DNAH11: variants seen among roughly 807,000 people sequenced by gnomAD.
The protein encoded by DNAH11 is axonemal beta dynein heavy chain 11.
In DNAH11, 442 loss-of-function variants were observed where a neutral mutation model predicts 526.0. The ratio of observed to expected loss-of-function variants is 0.84; its 90% CI spans 0.78 to 0.91. The LOEUF (loss-of-function observed/expected upper bound fraction) is 0.91, where lower values mean the gene tolerates loss of function less well. Ranked by LOEUF, DNAH11 falls within the 40% of genes least tolerant of loss-of-function variation. DNAH11 has a pLI of 0.00. For missense variants in DNAH11, 6,989 were observed against 5,448.7 expected (o/e 1.28, Z -8.90); for synonymous variants, 2,461 against 1,935.9 (o/e 1.27, Z -7.12).
chr7:21,882,699 AG>A (rs1159314348), intron 75 of DNAH11, among the ~76,000 whole-genome samples: 1 of 152,124 alleles, frequency 6.6e-6, no homozygotes, highest in African/African-American at 2.4e-5. Flanking sequence ...TAGGAGACTG[AG>A]GTGAGAGGAT....
chr7:21,737,853 G>A (rs187368853), intron 46 of DNAH11, among the ~76,000 whole-genome samples: 3 of 152,196 alleles, frequency 2.0e-5, no homozygotes, highest in Non-Finnish European at 2.9e-5. Flanking sequence ...TTGGCTGAAC[G>A]TTGGATGGTA....
chr7:21,729,326 T>G (rs1000199272), intron 45 of DNAH11, among the ~76,000 whole-genome samples: 1 of 152,230 alleles, frequency 6.6e-6, no homozygotes, highest in African/African-American at 2.4e-5. Flanking sequence ...TGGCTTCTTC[T>G]GAAATAGCTG....
intron 2 of DNAH11, among the ~76,000 whole-genome samples, chr7:21,547,674 T>C (rs1381153052): frequency 4.6e-5 from 7 of 152,228 alleles, no homozygotes; most frequent in Non-Finnish European, 1.0e-4. Flanking sequence ...TCCTTTATCA[T>C]GACTTTCTAC....
intron 62 of DNAH11, among the ~76,000 whole-genome samples, chr7:21,804,164 A>G (rs986472323): frequency 3.3e-5 from 5 of 152,058 alleles, no homozygotes; most frequent in Admixed American, 3.3e-4. Flanking sequence ...GCTGGAGTGC[A>G]GTGGCACCAT....
At position 21,711,721 on chromosome 7, in the gene DNAH11, C is replaced by T; in HGVS notation, c.6844C>T (p.Leu2282Phe). 1.9e-6 allele frequency: 3 copies of T among 1,613,556 alleles called. No homozygotes were observed. Among genetic ancestry groups the T allele is most frequent in the South Asian group, 1.1e-5 (1 of 91,050 alleles). Residue 2282 changes from leucine (L) to phenylalanine (F), a missense_variant, in exon 42 of 82, where the codon CTC becomes TTC. By Grantham distance (22) the Leu-to-Phe change is conservative. Transcript: ENST00000409508. ...GTGCTGCTCACTCCAGGTGCTGACC[C>T]TCGCCAGCAATGAGCGCATTGCACT... Reference protein sequence around the residue: ...TVMDDNKVLTLASNERIALTP... With the variant: ...TVMDDNKVLTFASNERIALTP...
chr7:21,574,064 G>A (rs1189266797), intron 8 of DNAH11, among the ~76,000 whole-genome samples: 1 of 152,120 alleles, frequency 6.6e-6, no homozygotes, highest in East Asian at 1.9e-4. Context: ...ATGGTTTTGG[G>A]TTTCTCAATT....
At chr7:21,811,387 C>T (rs781695414) in intron 63 of DNAH11, among the ~76,000 whole-genome samples, 2 of 151,064 alleles carry the variant, frequency 1.3e-5, no homozygotes, top group African/African-American at 4.9e-5. Flanking sequence ...ACCCAGGAGG[C>T]GGAAGTTGCA....
In DNAH11 at chr7:21,600,095, A is replaced by G. The variant is rs1408582883; in HGVS notation, c.2976A>G (p.Thr992=). The G allele has an allele frequency of 1.3e-6, 2 of 1,543,000 alleles. No homozygotes were observed. The highest frequency in any genetic ancestry group is 2.8e-5 in the African/African-American group (2 of 72,326). ...RMSAQMNRIA[T]HLEIKNYQND... ...CTGCCCAGATGAACCGAATAGCAAC[A>G]CACCTGGAAATTAAAAATTATCAGG... The change falls in exon 15 of 82, where the codon ACA becomes ACG. Residue 992 remains threonine (T), a synonymous_variant. Coordinates refer to ENST00000409508, the MANE Select transcript of DNAH11 (RefSeq NM_001277115.2).
chr7:21,765,459 C>T lies in DNAH11; in HGVS notation c.8972C>T (p.Thr2991Met), dbSNP rs375595192. The stretch of plus-strand genomic sequence containing the variant: ...TTGTGTTTCTCTCCAGTTGGTCGCA[C>T]GCTGAGAGTTAGAGCTCGGAAGTTC... ...IILCFSPVGR[T>M]LRVRARKFPA... The change falls in exon 55 of 82, where the codon ACG becomes ATG. Residue 2991 changes from threonine to methionine, a missense_variant. Physicochemically the swap from Thr to Met is moderately conservative, Grantham distance 81. Coordinates refer to ENST00000409508, the MANE Select transcript of DNAH11 (RefSeq NM_001277115.2). 101 of 1,613,818 alleles carry T rather than the reference C, an allele frequency of 6.3e-5. 1 individual carries two copies. In the Middle Eastern group the frequency reaches 6.6e-4, roughly 11 times the overall value.
Position 21,603,497 on chromosome 7 carries a change from G to A in DNAH11, c.3648+1879G>A, listed in dbSNP as rs186438104. 5.0e-3 allele frequency among the ~76,000 whole-genome samples: 757 copies of A among 152,210 alleles called. 3 individuals carry two copies. Among genetic ancestry groups the A allele is most frequent in the African/African-American group, 0.017 (719 of 41,538 alleles). On this transcript the variant is annotated intron_variant, in intron 18 of 81. Transcript: ENST00000409508. Reference sequence around the variant, plus strand: ...CATTGCCAAACTATTTTTCACAGTGGCTGTTTTGTTTTATATTCTGTCATT... The same window carrying A: ...CATTGCCAAACTATTTTTCACAGTGACTGTTTTGTTTTATATTCTGTCATT...
intron 42 of DNAH11, among the ~76,000 whole-genome samples, chr7:21,716,944 T>C (rs1784687301): frequency 6.6e-6 from 1 of 152,146 alleles, no homozygotes; most frequent in Admixed American, 6.6e-5. Flanking sequence ...CTCCTGATGC[T>C]CAAAATGCAA....
intron 44 of DNAH11, among the ~76,000 whole-genome samples, chr7:21,724,770 A>G (rs4990334): frequency 0.48 from 50,678 of 106,236 alleles, 10,117 homozygotes; most frequent in East Asian, 0.67. Flanking sequence ...TCCTATGAAT[A>G]TAGGAGTCAC....
At chr7:21,757,398 A>T (rs763577771) in intron 54 of DNAH11, among the ~76,000 whole-genome samples, 1 of 152,106 alleles carries the variant, frequency 6.6e-6, no homozygotes. Flanking sequence ...AGTTTATCCT[A>T]TCCGTTTTTA....
chr7:21,555,826 G>A (rs1346179945), intron 2 of DNAH11, among the ~76,000 whole-genome samples: 1 of 152,132 alleles, frequency 6.6e-6, no homozygotes, highest in Non-Finnish European at 1.5e-5. Context: ...TGTGGGACGT[G>A]TTTCTGCTCT....
At chr7:21,759,023 T>C (rs1786767609) in intron 54 of DNAH11, among the ~76,000 whole-genome samples, 1 of 152,148 alleles carries the variant, frequency 6.6e-6, no homozygotes, top group Non-Finnish European at 1.5e-5. Flanking sequence ...CTGATTTTCT[T>C]TAAAAACAAA....
chr7:21,576,028 T>C (rs1242706871), intron 8 of DNAH11, among the ~76,000 whole-genome samples: 1 of 152,178 alleles, frequency 6.6e-6, no homozygotes, highest in Non-Finnish European at 1.5e-5. Context: ...TTTTCCCTAC[T>C]GCTCCCAGTA....
At position 21,564,323 on chromosome 7, in the gene DNAH11, C is replaced by T. The variant is rs559771489; in HGVS notation, c.1120C>T (p.His374Tyr). Residue 374 changes from histidine to tyrosine, a missense_variant, in exon 6 of 82, where the codon CAT (histidine) becomes TAT (tyrosine). Transcript: ENST00000409508. ...TCATACCATCTGTCTGATCTGGAGT[C>T]ATTCCAAGTTTTATAACACCCCAGC... ...LFHTICLIWS[H>Y]SKFYNTPARV... is the part of the protein sequence containing the mutation. The T allele has an allele frequency of 6.2e-7, 1 of 1,613,582 alleles. No homozygotes were observed. Among genetic ancestry groups the T allele is most frequent in the Admixed American group, 1.7e-5 (1 of 59,954 alleles).
rs1785228137 is a variant in DNAH11, at chr7:21,604,970, G to C, written c.3649-1456G>C. ...GGTCCCTTGGTTCCTGAGCTGGTTT[G>C]GTATTCCTGTCATGTCACCAAATTG... On this transcript the variant is annotated intron_variant, in intron 18 of 81. Coordinates refer to ENST00000409508, the MANE Select transcript of DNAH11 (RefSeq NM_001277115.2). Among the ~76,000 whole-genome samples, 7 of 152,154 alleles carry C rather than the reference G, an allele frequency of 4.6e-5. No individual in the cohort carries two copies. The South Asian group carries it at 1.4e-3, about 32-fold the overall frequency.
chr7:21,620,317 A>G (rs190384851), intron 25 of DNAH11, among the ~76,000 whole-genome samples: 132 of 152,274 alleles, frequency 8.7e-4, no homozygotes, highest in African/African-American at 2.9e-3. Flanking sequence ...ACTGTGCAAT[A>G]GATCACTAAA....
Sources: allele counts gnomAD v4.1 joint callset (sites outside exome capture counted in the v4.1 genomes callset), GRCh38; gene constraint gnomAD v4.1.1; transcripts MANE v1.5; gene names NCBI Gene and HGNC (gene_info 2026-07-23, HGNC 2026-07-21).